Variants in DPP10 observed in about 807,000 individuals in gnomAD.
The protein encoded by DPP10 is dipeptidyl peptidase like 10, also known as inactive dipeptidyl peptidase 10.
A neutral mutation model predicts 120.9 loss-of-function variants in DPP10; 33 were observed. The ratio of observed to expected loss-of-function variants is 0.27; its 90% CI spans 0.21 to 0.37. The LOEUF is 0.37. DPP10 is among the 10% of genes least tolerant of loss of function. The probability of loss-of-function intolerance (pLI) is 1.00; values close to 1 mark genes in which losing one functional copy is unlikely to be tolerated. For missense variants in DPP10, 816 were observed against 942.8 expected (o/e 0.87, Z 1.76); for synonymous variants, 337 against 326.1 (o/e 1.03, Z -0.36).
chr2:115,276,711 C>G (rs2059934909), intron 1 of DPP10, among the ~76,000 whole-genome samples: 1 of 152,172 alleles, frequency 6.6e-6, no homozygotes, highest in Non-Finnish European at 1.5e-5. Flanking sequence ...ATTGGTGGCA[C>G]TGTAAAGGCA....
Position 115,389,888 on chromosome 2 carries a change from TCCC to T in DPP10, c.271+45977_271+45979del, listed in dbSNP as rs753341772. On this transcript the variant is annotated intron_variant, in intron 3 of 25. Coordinates refer to ENST00000410059, the MANE Select transcript of DPP10 (RefSeq NM_020868.6). ...TAATTATTAATTCATTATTTAGCATTCCCATTTGTTGTAAAATACTCTCTACTC... is the reference window on the plus strand; with the variant it reads ...TAATTATTAATTCATTATTTAGCATTATTTGTTGTAAAATACTCTCTACTC... Among the ~76,000 whole-genome samples, 51 of 152,340 alleles carry T rather than the reference TCCC, an allele frequency of 3.3e-4. No individual in the cohort carries two copies. The Middle Eastern group carries it at 0.017, about 51-fold the overall frequency.
chr2:115,563,628 G>A lies in DPP10; in HGVS notation c.441+37656G>A, dbSNP rs186216783. 2.7e-4 allele frequency among the ~76,000 whole-genome samples: 41 copies of A among 152,176 alleles called. 1 individual carries two copies. The highest frequency in any genetic ancestry group is 2.4e-3 in the Admixed American group (37 of 15,286). On this transcript the variant is annotated intron_variant, in intron 5 of 25. Coordinates refer to ENST00000410059, the MANE Select transcript of DPP10 (RefSeq NM_020868.6). ...AATCTCTCTCAGATAATTAAGACAC[G>A]GAATCTGAAACACAGTGGGCACTTG... is the stretch of plus-strand genomic sequence containing the variant.
intron 1 of DPP10, among the ~76,000 whole-genome samples, chr2:114,672,363 T>C (rs1246841595): frequency 6.6e-6 from 1 of 152,204 alleles, no homozygotes; most frequent in African/African-American, 2.4e-5. Flanking sequence ...GTCTTTCTCT[T>C]TCTCCCCCCA....
intron 3 of DPP10, among the ~76,000 whole-genome samples, chr2:115,442,951 G>C (rs544301231): frequency 1.1e-4 from 16 of 152,208 alleles, no homozygotes; most frequent in African/African-American, 3.4e-4. Context: ...GCATGGTCTG[G>C]ATAAAAAGGA....
At chr2:114,996,503 C>A (rs1701093771) in intron 1 of DPP10, among the ~76,000 whole-genome samples, 1 of 152,058 alleles carries the variant, frequency 6.6e-6, no homozygotes, top group Non-Finnish European at 1.5e-5. Flanking sequence ...ATACTGAAGA[C>A]AAGTTTTAAT....
intron 1 of DPP10, among the ~76,000 whole-genome samples, chr2:115,138,125 G>A (rs1330068709): frequency 6.6e-6 from 1 of 152,090 alleles, no homozygotes; most frequent in Admixed American, 6.5e-5. Context: ...TACTTGCACT[G>A]CTTCATTTCC....
intron 4 of DPP10, among the ~76,000 whole-genome samples, chr2:115,507,032 GCGCA>G (rs935855200): frequency 2.0e-5 from 3 of 148,728 alleles, no homozygotes; most frequent in Non-Finnish European, 3.0e-5. Flanking sequence ...ACACACGCAC[GCGCA>G]CACACACACA....
intron 1 of DPP10, among the ~76,000 whole-genome samples, chr2:115,276,239 AC>A (rs2059917215): frequency 6.6e-6 from 1 of 152,144 alleles, no homozygotes; most frequent in Admixed American, 6.5e-5. Context: ...CAAATTTGGG[AC>A]AATCGCCTTT....
intron 4 of DPP10, among the ~76,000 whole-genome samples, chr2:115,509,823 G>A (rs1015532080): frequency 6.6e-6 from 1 of 152,140 alleles, no homozygotes; most frequent in Non-Finnish European, 1.5e-5. Context: ...TGCCTTCCTA[G>A]CAATGGTATA....
intron 1 of DPP10, among the ~76,000 whole-genome samples, chr2:115,270,822 G>A (rs12475000): frequency 0.19 from 28,915 of 152,072 alleles, 3,083 homozygotes; most frequent in East Asian, 0.36. Context: ...TAGTGTTCCA[G>A]GAAGCTACTG....
At chr2:114,795,683 G>A (rs1683647148) in intron 1 of DPP10, among the ~76,000 whole-genome samples, 1 of 152,004 alleles carries the variant, frequency 6.6e-6, no homozygotes, top group African/African-American at 2.4e-5. Flanking sequence ...TTAGAGATTT[G>A]TGACAATTTG....
intron 1 of DPP10, among the ~76,000 whole-genome samples, chr2:114,842,332 G>A (rs923151214): frequency 6.6e-6 from 1 of 152,112 alleles, no homozygotes; most frequent in Non-Finnish European, 1.5e-5. Context: ...GTTTTCTGGA[G>A]GACTGTAGTG....
At chr2:115,736,589 A>G (rs1358564168) in intron 8 of DPP10, among the ~76,000 whole-genome samples, 1 of 152,178 alleles carries the variant, frequency 6.6e-6, no homozygotes. Flanking sequence ...ATATGTGTGT[A>G]TCTCTGTGAT....
intron 17 of DPP10, 35 bp from the exon 18 acceptor site, chr2:115,791,046 G>C (rs1246457562): frequency 6.8e-7 from 1 of 1,474,754 alleles, no homozygotes; most frequent in Non-Finnish European, 9.4e-7. Context: ...AATGCATAGG[G>C]GTTAGCTATT....
At chr2:115,752,411 C>G (rs1212627061) in intron 10 of DPP10, among the ~76,000 whole-genome samples, 1 of 152,164 alleles carries the variant, frequency 6.6e-6, no homozygotes, top group Non-Finnish European at 1.5e-5. Flanking sequence ...ACTTTCCAAT[C>G]ACCAGTTACC....
At position 115,586,490 on chromosome 2, in the gene DPP10, A is replaced by C. The variant is rs191491579; in HGVS notation, c.441+60518A>C. ...TGTAGGATTACTGGGTCAAAAAGCA[A>C]ATGCATGTACAATTTTGTTGAAAAA... On this transcript the variant is annotated intron_variant, in intron 5 of 25. Transcript: ENST00000410059. 3.1e-3 allele frequency among the ~76,000 whole-genome samples: 472 copies of C among 152,318 alleles called. 2 individuals carry two copies. The highest frequency in any genetic ancestry group is 0.011 in the African/African-American group (449 of 41,568).
intron 3 of DPP10, among the ~76,000 whole-genome samples, chr2:115,388,728 C>T (rs1273370658): frequency 6.6e-6 from 1 of 152,136 alleles, no homozygotes; most frequent in Non-Finnish European, 1.5e-5. Flanking sequence ...GTGTGCATTT[C>T]ACAGCATCTT....
intron 8 of DPP10, among the ~76,000 whole-genome samples, chr2:115,737,889 A>G (rs1676767505): frequency 6.6e-6 from 1 of 152,144 alleles, no homozygotes; most frequent in Non-Finnish European, 1.5e-5. Flanking sequence ...TTTAAATTTT[A>G]AAGAAATTTG....
chr2:115,263,907 T>C (rs1330825517), intron 1 of DPP10, among the ~76,000 whole-genome samples: 3 of 151,256 alleles, frequency 2.0e-5, no homozygotes, highest in African/African-American at 4.9e-5. Flanking sequence ...CACACACACA[T>C]ACTCATTATT....
Sources: gnomAD v4.1 joint callset for allele counts (sites outside exome capture counted in the v4.1 genomes callset) on GRCh38, gnomAD v4.1.1 for gene constraint, MANE v1.5 for transcripts, NCBI Gene and HGNC (gene_info 2026-07-23, HGNC 2026-07-21) for gene names.